Variants in TRHDE observed in about 807,000 individuals in gnomAD.
The protein encoded by TRHDE is thyrotropin releasing hormone degrading enzyme.
TRHDE carries 72 observed loss-of-function variants against 125.7 expected under a neutral mutation model. The observed-to-expected ratio is 0.57, with a 90% CI of 0.47 to 0.70. TRHDE has a LOEUF of 0.70. Ranked by LOEUF, TRHDE falls within the 30% of genes least tolerant of loss-of-function variation. TRHDE has a pLI of 0.00. For synonymous variants in TRHDE, 509 were observed against 509.1 expected, an observed-to-expected ratio of 1.00 and a Z score of 0.00; for missense variants, 1,110 against 1,327.1, an observed-to-expected ratio of 0.84 and a Z score of 2.54.
chr12:72,379,846 C>G (rs1247953881), intron 3 of TRHDE, among the ~76,000 whole-genome samples: 1 of 152,108 alleles, frequency 6.6e-6, no homozygotes, highest in Non-Finnish European at 1.5e-5. Flanking sequence ...TTTTATATAT[C>G]TAGGGGAGTT....
intron 12 of TRHDE, among the ~76,000 whole-genome samples, chr12:72,597,359 A>G (rs1480759827): frequency 1.3e-5 from 2 of 152,044 alleles, no homozygotes; most frequent in Admixed American, 6.6e-5. Flanking sequence ...TTATTAGTCA[A>G]TAGTGATTTG....
chr12:72,449,841 A>G (rs750977415), intron 3 of TRHDE, among the ~76,000 whole-genome samples: 3 of 151,970 alleles, frequency 2.0e-5, no homozygotes, highest in Admixed American at 6.6e-5. Flanking sequence ...ACTTTGTTCT[A>G]TTCTATAATA....
At chr12:72,499,285 C>A (rs1356283452) in intron 5 of TRHDE, among the ~76,000 whole-genome samples, 1 of 152,066 alleles carries the variant, frequency 6.6e-6, no homozygotes, top group Non-Finnish European at 1.5e-5. Flanking sequence ...AATGTAGTGT[C>A]CATTGATTTT....
At chr12:72,584,954 C>T (rs1369868266) in intron 12 of TRHDE, among the ~76,000 whole-genome samples, 1 of 152,106 alleles carries the variant, frequency 6.6e-6, no homozygotes. Context: ...AAAGTAGAGC[C>T]TTTGTGTTGG....
intron 6 of TRHDE, among the ~76,000 whole-genome samples, chr12:72,518,713 G>A (rs948355704): frequency 1.3e-4 from 19 of 151,980 alleles, no homozygotes; most frequent in Admixed American, 3.9e-4. Flanking sequence ...TATTTTGCTC[G>A]TTAGTTGATG....
In TRHDE at chr12:72,273,993, T is replaced by G. The variant is rs1181793630; in HGVS notation, c.914+436T>G. On this transcript the variant is annotated intron_variant, in intron 1 of 18. Transcript: ENST00000261180. This position sits in a 1 kb window ranked among gnomAD's most constrained non-coding sequence, Gnocchi z 5.3. ...ATCCAGGTTAGCATGTCAGGGCAGG[T>G]CAGGGACACACCGTTCTCCACCCCC... is the stretch of plus-strand genomic sequence containing the variant. 5.8e-6 allele frequency: 1 copy of G among 173,634 alleles called. No individual in the cohort carries two copies. Among genetic ancestry groups the G allele is most frequent in the East Asian group, 1.5e-4 (1 of 6,760 alleles). 10.8% of individuals were successfully genotyped at this position (173,634 alleles called of 1,614,324 possible).
At chr12:72,261,460 A>ACTCTT (rs1282038866) in intron 2 of TRHDE, among the ~76,000 whole-genome samples, 1 of 152,164 alleles carries the variant, frequency 6.6e-6, no homozygotes, top group Non-Finnish European at 1.5e-5. Context: ...ATGATAGATT[A>ACTCTT]CTCTTAGTAG....
rs912333336 is a variant in TRHDE, at chr12:72,669,677, TATTA to T, written c.*6486_*6489del. On this transcript the variant is annotated 3_prime_UTR_variant, in exon 19 of 19. Transcript: ENST00000261180. ...AGAACATTCATTATTAAGTTTTTGC[TATTA>T]ATTTTCATTTAAAATAGGTTTATTA... The T allele has an allele frequency of 2.6e-5, 4 of 151,812 alleles. No individual in the cohort carries two copies. Among genetic ancestry groups the T allele is most frequent in the African/African-American group, 4.8e-5 (2 of 41,414 alleles). 9.4% of individuals were successfully genotyped at this position (151,812 alleles called of 1,614,324 possible).
intron 6 of TRHDE, among the ~76,000 whole-genome samples, chr12:72,514,453 A>G (rs1166062645): frequency 6.6e-6 from 1 of 151,984 alleles, no homozygotes; most frequent in Non-Finnish European, 1.5e-5. Flanking sequence ...TATAGTAAAT[A>G]TGACAGATAA....
chr12:72,583,126 A>G (rs907470565), intron 12 of TRHDE, among the ~76,000 whole-genome samples: 6 of 152,196 alleles, frequency 3.9e-5, no homozygotes, highest in African/African-American at 1.2e-4. Flanking sequence ...TATAGCTCTT[A>G]GTTATCTTTT....
Position 72,580,400 on chromosome 12 carries a change from G to A in TRHDE, c.2321+4858G>A, listed in dbSNP as rs541044570. Among the ~76,000 whole-genome samples, 178 of 152,256 alleles carry A rather than the reference G, an allele frequency of 1.2e-3. 1 individual carries two copies. The highest frequency in any genetic ancestry group is 7.6e-4 in the Non-Finnish European group (52 of 68,002). ...TATTATGGCTTGCACTTTAAAATTAGTAACTAAAATGCCTAGATATTTGTG... is the reference window on the plus strand; with the variant it reads ...TATTATGGCTTGCACTTTAAAATTAATAACTAAAATGCCTAGATATTTGTG... On this transcript the variant is annotated intron_variant, in intron 12 of 18. Transcript: ENST00000261180.
chr12:72,568,487 C>A, intron 9 of TRHDE, 81 bp from the exon 10 acceptor site: 1 of 971,420 alleles, frequency 1.0e-6, no homozygotes, highest in Non-Finnish European at 1.6e-6. Flanking sequence ...AAAAATCACA[C>A]AGAAGGCGCA....
intron 2 of TRHDE, among the ~76,000 whole-genome samples, chr12:72,233,669 A>G (rs1878288594): frequency 6.6e-6 from 1 of 152,126 alleles, no homozygotes; most frequent in Non-Finnish European, 1.5e-5. Flanking sequence ...CATTTCACTG[A>G]TAAATAAGAA....
chr12:72,212,348 A>G (rs981449569), intron 2 of TRHDE, among the ~76,000 whole-genome samples: 14 of 151,930 alleles, frequency 9.2e-5, no homozygotes, highest in African/African-American at 3.1e-4. Flanking sequence ...ACAAGCAACC[A>G]AAGGAAAAAA....
intron 2 of TRHDE, among the ~76,000 whole-genome samples, chr12:72,323,448 C>A (rs942655880): frequency 7.2e-5 from 11 of 152,220 alleles, no homozygotes; most frequent in Admixed American, 5.9e-4. Context: ...AGGGCAGTAA[C>A]CTACTTGCTG....
chr12:72,634,447 A>G (rs1179103671), intron 15 of TRHDE, among the ~76,000 whole-genome samples: 3 of 150,926 alleles, frequency 2.0e-5, no homozygotes, highest in African/African-American at 7.3e-5. Context: ...TAACCAATGC[A>G]TGAGTTTTAA....
chr12:72,645,376 A>G (rs1465883524), intron 15 of TRHDE, among the ~76,000 whole-genome samples: 1 of 152,206 alleles, frequency 6.6e-6, no homozygotes, highest in African/African-American at 2.4e-5. Flanking sequence ...GTGAAGATGG[A>G]TTGATCAGCA....
chr12:72,639,399 C>T (rs1034500516), intron 15 of TRHDE, among the ~76,000 whole-genome samples: 3 of 152,038 alleles, frequency 2.0e-5, no homozygotes, highest in South Asian at 2.1e-4. Flanking sequence ...TCTAGTTATA[C>T]ATTCTTCTAA....
chr12:72,550,820 G>T (rs1418564280), intron 7 of TRHDE, among the ~76,000 whole-genome samples: 2 of 151,792 alleles, frequency 1.3e-5, no homozygotes, highest in African/African-American at 4.8e-5. Context: ...AAGTTTGAAA[G>T]TTCTCTGTTT....
Sources: allele counts gnomAD v4.1 joint callset (sites outside exome capture counted in the v4.1 genomes callset), GRCh38; gene constraint gnomAD v4.1.1; non-coding constraint Gnocchi (gnomAD v3.1); transcripts MANE v1.5; gene names NCBI Gene and HGNC (gene_info 2026-07-23, HGNC 2026-07-21).